The following TRPC5 variants were observed in gnomAD, a reference collection of about 807,000 sequenced individuals.
TRPC5 encodes transient receptor potential cation channel subfamily C member 5, also known as short transient receptor potential channel 5.
TRPC5 carries 9 observed loss-of-function variants against 56.5 expected under a neutral mutation model. The observed-to-expected ratio is 0.16, with a 90% CI of 0.10 to 0.28. TRPC5 has a LOEUF of 0.28. Ranked by LOEUF, TRPC5 falls within the 10% of genes least tolerant of loss-of-function variation. TRPC5 has a pLI of 1.00. For synonymous variants in TRPC5, 282 were observed against 278.5 expected (o/e 1.01, Z -0.13); for missense variants, 469 against 748.9 (o/e 0.63, Z 4.36).
intron 3 of TRPC5, among the ~76,000 whole-genome samples, chrX:111,886,074 G>A (rs1924478653): frequency 8.9e-6 from 1 of 111,748 alleles, no homozygotes; most frequent in African/African-American, 3.3e-5. Context: ...CAGGTCAGGG[G>A]TTCGAGAAAA....
chrX:111,845,611 T>G (rs1922903764), intron 6 of TRPC5, among the ~76,000 whole-genome samples: 1 of 112,207 alleles, frequency 8.9e-6, no homozygotes, highest in African/African-American at 3.2e-5. Flanking sequence ...CTCATTCATG[T>G]ATCTAATTCT....
At chrX:111,832,688 A>G (rs1922446441) in intron 7 of TRPC5, among the ~76,000 whole-genome samples, 1 of 111,600 alleles carries the variant, frequency 9.0e-6, no homozygotes, top group Non-Finnish European at 1.9e-5. Context: ...ATGGTTGGCC[A>G]TGACTTCAGA....
rs59633997 is a variant in TRPC5, at chrX:111,856,819, CA to C, written c.901-2714del. 6.0e-3 allele frequency among the ~76,000 whole-genome samples: 215 copies of C among 36,045 alleles called. 1 individual carries two copies. The highest frequency in any genetic ancestry group is 8.6e-3 in the African/African-American group (81 of 9,450). The allele number at this position is 36,045 out of a possible 115,157, so 31.3% of individuals were successfully genotyped here. On this transcript the variant is annotated intron_variant, in intron 3 of 10. Coordinates refer to ENST00000262839, the MANE Select transcript of TRPC5 (RefSeq NM_012471.3). ...GGGCAGCAGAGCGAGACTCCATCTC[CA>C]AAAAAAAAAAAAAAAACCATAGGAT...
chrX:111,958,192 A>G (rs931921855), intron 1 of TRPC5, among the ~76,000 whole-genome samples: 9 of 111,854 alleles, frequency 8.0e-5, no homozygotes, highest in African/African-American at 2.9e-4. Context: ...TTCCTATTGT[A>G]TAGTTTCAGA....
At position 111,779,043 on chromosome X, in the gene TRPC5, A is replaced by G. The variant is rs1945900079; in HGVS notation, c.2174T>C (p.Val725Ala). The change falls in exon 10 of 11, where the codon GTG becomes GCG. Residue 725 changes from valine (V) to alanine (A), a missense_variant. Coordinates refer to ENST00000262839, the MANE Select transcript of TRPC5 (RefSeq NM_012471.3). ...EVIRNLVKRYVAAMIRNSKTH... is the reference protein window; with the variant it reads ...EVIRNLVKRYAAAMIRNSKTH... ...TTTGGAATTTCTTATCATAGCAGCC[A>G]CATATCTTTTGACTAAATTCCTGAT... 1 of 1,203,417 alleles carries G rather than the reference A, an allele frequency of 8.3e-7. No homozygotes were observed. The highest frequency in any genetic ancestry group is 1.7e-5 in the African/African-American group (1 of 57,148).
intron 2 of TRPC5, 67 bp from the exon 3 acceptor site, chrX:111,912,879 A>G: frequency 9.3e-7 from 1 of 1,075,233 alleles, no homozygotes; most frequent in African/African-American, 1.8e-5. Context: ...CATAGGGCCT[A>G]TAAAATGCTG....
intron 7 of TRPC5, among the ~76,000 whole-genome samples, chrX:111,823,318 C>T (rs982845828): frequency 9.0e-6 from 1 of 111,580 alleles, no homozygotes; most frequent in Non-Finnish European, 1.9e-5. Context: ...CCTTTGGTAC[C>T]CCCTGCAGCG....
At chrX:111,879,355 T>C (rs1924097544) in intron 3 of TRPC5, among the ~76,000 whole-genome samples, 1 of 112,245 alleles carries the variant, frequency 8.9e-6, no homozygotes, top group Non-Finnish European at 1.9e-5. Flanking sequence ...CAATGGGGCC[T>C]GTGGTCCCAG....
At chrX:111,991,899 A>G (rs1483821391) in intron 1 of TRPC5, among the ~76,000 whole-genome samples, 2 of 111,896 alleles carry the variant, frequency 1.8e-5, no homozygotes, top group Non-Finnish European at 3.8e-5. Flanking sequence ...AATAATCTAC[A>G]TCTTTTGTTT....
intron 7 of TRPC5, among the ~76,000 whole-genome samples, chrX:111,829,532 A>G (rs1451692115): frequency 3.6e-5 from 4 of 111,652 alleles, no homozygotes; most frequent in African/African-American, 9.8e-5. Context: ...GGAGGGAAAA[A>G]TGGTTTCCTG....
intron 1 of TRPC5, among the ~76,000 whole-genome samples, chrX:111,993,534 C>T (rs1273294466): frequency 2.7e-5 from 3 of 112,173 alleles, no homozygotes; most frequent in African/African-American, 9.7e-5. Flanking sequence ...TAAAAGCATT[C>T]CTATTTCTCC....
intron 7 of TRPC5, among the ~76,000 whole-genome samples, chrX:111,805,635 C>G (rs1921480170): frequency 9.0e-6 from 1 of 111,129 alleles, no homozygotes; most frequent in Non-Finnish European, 1.9e-5. Context: ...GCCAGTTAGG[C>G]TAAATTACAG....
In TRPC5 at chrX:111,776,609, A is replaced by G. The variant is rs1257148283; in HGVS notation, c.2626T>C (p.Cys876Arg). ...TISDGIVQQHCMWQDIRYSQM... is the reference protein window; with the variant it reads ...TISDGIVQQHRMWQDIRYSQM... ...GAATATCTGATGTCCTGCCACATAC[A>G]GTGCTGCTGAACAATTCCATCAGAA... The change falls in exon 11 of 11, where the codon TGT (cysteine) becomes CGT (arginine). Residue 876 changes from cysteine to arginine, a missense_variant. Coordinates refer to ENST00000262839, the MANE Select transcript of TRPC5 (RefSeq NM_012471.3). 4 of 1,210,269 alleles carry G rather than the reference A, an allele frequency of 3.3e-6. No homozygotes were observed. The highest frequency in any genetic ancestry group is 3.0e-5 in the East Asian group (1 of 33,777).
intron 3 of TRPC5, among the ~76,000 whole-genome samples, chrX:111,879,202 T>C (rs1182828417): frequency 8.9e-6 from 1 of 111,932 alleles, no homozygotes; most frequent in South Asian, 3.8e-4. Flanking sequence ...GGCCAGAGAA[T>C]GGAGACATCA....
At chrX:111,846,079 T>G (rs1922916787) in intron 6 of TRPC5, among the ~76,000 whole-genome samples, 1 of 111,365 alleles carries the variant, frequency 9.0e-6, no homozygotes, top group Admixed American at 9.5e-5. Flanking sequence ...GTTTTGTTTT[T>G]TTCTCTATCA....
At chrX:111,955,125 A>G (rs952311212) in intron 1 of TRPC5, among the ~76,000 whole-genome samples, 3 of 112,237 alleles carry the variant, frequency 2.7e-5, no homozygotes, top group African/African-American at 9.7e-5. Flanking sequence ...ATCGGATGAT[A>G]TATAGTCAGT....
chrX:111,809,898 T>C, intron 7 of TRPC5, among the ~76,000 whole-genome samples: 1 of 108,856 alleles, frequency 9.2e-6, no homozygotes. Context: ...TTTTTTGTTG[T>C]TGTTGTTGTT....
At chrX:111,975,654 T>G (rs1364585492) in intron 1 of TRPC5, among the ~76,000 whole-genome samples, 1 of 110,792 alleles carries the variant, frequency 9.0e-6, no homozygotes, top group Non-Finnish European at 1.9e-5. Flanking sequence ...CCCAGCATTT[T>G]GGGAAGCTGA....
intron 2 of TRPC5, among the ~76,000 whole-genome samples, chrX:111,920,286 A>AG (rs1282200777): frequency 9.0e-6 from 1 of 110,575 alleles, no homozygotes; most frequent in South Asian, 3.9e-4. Context: ...ACAAAACAAC[A>AG]AAAAAAATGT....
Sources: allele counts gnomAD v4.1 joint callset (sites outside exome capture counted in the v4.1 genomes callset), GRCh38; gene constraint gnomAD v4.1.1; transcripts MANE v1.5; gene names NCBI Gene and HGNC (gene_info 2026-07-23, HGNC 2026-07-21).